The following COL1A2 variants were observed in gnomAD, a reference collection of about 807,000 sequenced individuals.
COL1A2 encodes collagen alpha-2(I) chain.
A neutral mutation model predicts 174.3 loss-of-function variants in COL1A2; 49 were observed. The ratio of observed to expected loss-of-function variants is 0.28; its 90% CI spans 0.22 to 0.36. The LOEUF (loss-of-function observed/expected upper bound fraction) is 0.36. Ranked by LOEUF, COL1A2 falls within the 10% of genes least tolerant of loss-of-function variation. The probability of loss-of-function intolerance (pLI) is 1.00; values close to 1 mark genes in which losing one functional copy is unlikely to be tolerated. For synonymous variants in COL1A2, 655 were observed against 606.6 expected, an observed-to-expected ratio of 1.08 and a Z score of -1.17; for missense variants, 1,438 against 1,822.7, an observed-to-expected ratio of 0.79 and a Z score of 3.84.
Position 94,401,606 on chromosome 7 carries a change from G to C in COL1A2, c.265G>C (p.Gly89Arg), listed in dbSNP as rs1453187814. The change falls in exon 6 of 52, where the codon GGC becomes CGC. Residue 89 changes from glycine (G) to arginine (R), a missense_variant. Gly to Arg is a moderately radical substitution (Grantham distance 125, BLOSUM62 -2). Around this residue, in one of 3 missense-constraint regions of COL1A2, gnomAD observed 281 missense variants for 310.9 expected, o/e 0.90. Transcript: ENST00000297268. ...GTATGATGGAAAAGGAGTTGGACTTGGCCCTGGACCAATGGTATGCTTATC... is the reference window on the plus strand; with the variant it reads ...GTATGATGGAAAAGGAGTTGGACTTCGCCCTGGACCAATGGTATGCTTATC... ...AQYDGKGVGL[G>R]PGPMGLMGPR... is the part of the protein sequence containing the mutation. 2 of 1,578,796 alleles carry C rather than the reference G, an allele frequency of 1.3e-6. No individual in the cohort carries two copies. Among genetic ancestry groups the C allele is most frequent in the Non-Finnish European group, 1.7e-6 (2 of 1,160,856 alleles).
rs42527 is a variant in COL1A2, at chr7:94,418,365, C to T, written c.1972-134C>T. The T allele has an allele frequency of 0.24, 171,781 of 708,154 alleles. 21,468 individuals carry two copies. Among genetic ancestry groups the T allele is most frequent in the East Asian group, 0.26 (9,492 of 36,632 alleles). 43.9% of individuals were successfully genotyped at this position (708,154 alleles called of 1,614,324 possible). A position where few individuals can be genotyped will look rare whatever the true frequency, so the allele number is the denominator to read the frequency against. ...AACATTCTACAGAATGGTAAGGAAT[C>T]GAGACATTGCTAAAAATCTTAAATG... On this transcript the variant is annotated intron_variant, in intron 32 of 51. Transcript: ENST00000297268.
At chr7:94,424,671 T>C in intron 41 of COL1A2, 1 of 546,786 alleles carries the variant, frequency 1.8e-6, no homozygotes, top group African/African-American at 1.9e-5. Flanking sequence ...TTTTTGTTCT[T>C]TCCACGCACT....
intron 19 of COL1A2, 101 bp from the exon 20 acceptor site, chr7:94,410,141 G>A: frequency 8.4e-7 from 1 of 1,190,062 alleles, no homozygotes; most frequent in Non-Finnish European, 1.2e-6. Flanking sequence ...GAGAACTTGA[G>A]CTTCTCTTTA....
intron 38 of COL1A2, 35 bp from the exon 39 acceptor site, chr7:94,421,864 G>A: frequency 6.3e-7 from 1 of 1,597,224 alleles, no homozygotes; most frequent in African/African-American, 1.3e-5. Context: ...TGGAGTTGAT[G>A]TTGACTGTGG....
rs1479084555 is a variant in COL1A2 at position 94,425,772 on chromosome 7, A to G, written c.2858A>G (p.Asn953Ser). 2 of 1,613,340 alleles carry G rather than the reference A, an allele frequency of 1.2e-6. No individual in the cohort carries two copies. The highest frequency in any genetic ancestry group is 1.7e-5 in the Admixed American group (1 of 59,954). ...GHKGERGYPGNIGPVGAAGAP... is the reference protein window; with the variant it reads ...GHKGERGYPGSIGPVGAAGAP... ...TAGGGAGAGCGCGGTTACCCTGGCA[A>G]TATTGGTCCCGTTGGTGCTGCAGGT... Residue 953 changes from asparagine (N) to serine (S), a missense_variant, in exon 44 of 52, where the codon AAT becomes AGT. Physicochemically the swap from Asn to Ser is conservative, Grantham distance 46 (BLOSUM62 1). This residue lies in a region of COL1A2 where 867 missense variants were observed against 1,213.7 expected (regional missense o/e 0.71). Coordinates refer to ENST00000297268, the MANE Select transcript of COL1A2 (RefSeq NM_000089.4).
At chr7:94,405,985 C>T (rs1055579629) in intron 11 of COL1A2, among the ~76,000 whole-genome samples, 25 of 152,026 alleles carry the variant, frequency 1.6e-4, no homozygotes, top group Admixed American at 4.6e-4. Flanking sequence ...TATTTACAAC[C>T]GTCTGAAAAT....
In COL1A2 at chr7:94,399,061, G is replaced by A. The variant is rs2115856187; in HGVS notation, c.109G>A (p.Asp37Asn). 1 of 1,613,738 alleles carries A rather than the reference G, an allele frequency of 6.2e-7. No homozygotes were observed. The highest frequency in any genetic ancestry group is 8.5e-7 in the Non-Finnish European group (1 of 1,179,696). Reference sequence around the variant, plus strand: ...ATCTTTCCTGTAGGGCCCAGCCGGAGATAGAGGACCACGTGGAGAAAGGGT... The same window carrying A: ...ATCTTTCCTGTAGGGCCCAGCCGGAAATAGAGGACCACGTGGAGAAAGGGT... ...EETVRKGPAG[D>N]RGPRGERGPP... Residue 37 changes from aspartate to asparagine, a missense_variant, in exon 4 of 52, where the codon GAT (aspartate) becomes AAT (asparagine). Asp to Asn is a conservative substitution (Grantham distance 23). Coordinates refer to ENST00000297268, the MANE Select transcript of COL1A2 (RefSeq NM_000089.4).
At chr7:94,404,468 G>A (rs1791752463) in intron 6 of COL1A2, 88 bp from the exon 7 acceptor site, 1 of 1,342,204 alleles carries the variant, frequency 7.5e-7, no homozygotes, top group Non-Finnish European at 1.1e-6. Flanking sequence ...CCACAACAAT[G>A]GCACTGCTAA....
chr7:94,409,100 CAG>C (rs1257478895), intron 16 of COL1A2, among the ~76,000 whole-genome samples: 1 of 151,962 alleles, frequency 6.6e-6, no homozygotes, highest in Admixed American at 6.5e-5. Context: ...GAGTCAACCA[CAG>C]AGAGACAGAA....
In COL1A2 at chr7:94,429,188, T is replaced by A; in HGVS notation, c.3712T>A (p.Phe1238Ile). The A allele has an allele frequency of 1.2e-6, 2 of 1,611,826 alleles. No individual in the cohort carries two copies. Among genetic ancestry groups the A allele is most frequent in the Non-Finnish European group, 1.7e-6 (2 of 1,178,502 alleles). ...TGGAATTTCATCCTATTTTCTGTAG[T>A]TTGAATATAATGTAGAAGGAGTGAC... is the stretch of plus-strand genomic sequence containing the variant. The part of the protein sequence containing the change: ...LGETINAGSQ[F>I]EYNVEGVTSK... The change falls in exon 51 of 52, where the codon TTT becomes ATT. Residue 1238 changes from phenylalanine (F) to isoleucine (I), a missense_variant and splice_region_variant. Transcript: ENST00000297268.
At chr7:94,404,431 G>T in intron 6 of COL1A2, 125 bp from the exon 7 acceptor site, 1 of 1,000,882 alleles carries the variant, frequency 1.0e-6, no homozygotes, top group Non-Finnish European at 1.6e-6. Context: ...ATTCTTCCTT[G>T]GGAGGAATAA....
intron 38 of COL1A2, 126 bp from the exon 39 acceptor site, chr7:94,421,771 GCC>G: frequency 7.4e-6 from 5 of 672,426 alleles, no homozygotes; most frequent in Non-Finnish European, 1.3e-5. Flanking sequence ...ATATGAAGCT[GCC>G]TACCTCCTAC....
intron 25 of COL1A2, 103 bp downstream of exon 25, chr7:94,412,785 T>C: frequency 2.0e-6 from 2 of 1,023,756 alleles, no homozygotes; most frequent in African/African-American, 1.6e-5. Context: ...TCAGGGAGTT[T>C]CCTTTCAACA....
At chr7:94,423,232 A>G (rs1042974300) in intron 40 of COL1A2, 114 bp downstream of exon 40, 9 of 1,289,964 alleles carry the variant, frequency 7.0e-6, no homozygotes, top group Non-Finnish European at 1.0e-5. Flanking sequence ...GCTCTCAAGT[A>G]GAGCTCAGTT....
At chr7:94,425,268 T>C (rs1009323549) in intron 42 of COL1A2, 44 bp downstream of exon 42, 6 of 1,554,638 alleles carry the variant, frequency 3.9e-6, no homozygotes, top group Non-Finnish European at 5.3e-6. Flanking sequence ...GAGCAGGATT[T>C]CATTGTGTGA....
intron 13 of COL1A2, 90 bp downstream of exon 13, chr7:94,407,981 T>TAA (rs1432934395): frequency 7.8e-7 from 1 of 1,281,264 alleles, no homozygotes; most frequent in Non-Finnish European, 1.1e-6. Context: ...CACTGTATCC[T>TAA]TCAGCATTGT....
chr7:94,403,240 A>T (rs1325906212), intron 6 of COL1A2, among the ~76,000 whole-genome samples: 1 of 152,196 alleles, frequency 6.6e-6, no homozygotes. Flanking sequence ...TTTACTTTGA[A>T]ATATCAGTGA....
chr7:94,429,087 CT>C, intron 50 of COL1A2, 100 bp from the exon 51 acceptor site: 1 of 968,164 alleles, frequency 1.0e-6, no homozygotes, highest in Non-Finnish European at 1.5e-6. Flanking sequence ...TGAGTCTACT[CT>C]TCCTGAGATC....
Position 94,421,949 on chromosome 7 carries a change from C to T in COL1A2, c.2400C>T (p.Pro800=), listed in dbSNP as rs139913150. The T allele has an allele frequency of 4.5e-5, 72 of 1,613,960 alleles. No individual in the cohort carries two copies. In the Admixed American group the frequency reaches 1.1e-3, roughly 24 times the overall value. ...GAAGRTGPPG[P]SGISGPPGPP... is the part of the protein sequence containing the mutation. The stretch of plus-strand genomic sequence containing the variant: ...CTGGACGGACTGGTCCCCCAGGACC[C>T]TCTGTAAGTAAATCACTGTAAACGT... The change falls in exon 39 of 52, where the codon CCC becomes CCT. Residue 800 remains proline (P), a synonymous_variant. Coordinates refer to ENST00000297268, the MANE Select transcript of COL1A2 (RefSeq NM_000089.4).
Sources: allele counts gnomAD v4.1 joint callset (sites outside exome capture counted in the v4.1 genomes callset), GRCh38; gene constraint gnomAD v4.1.1; regional missense constraint gnomAD v4.1.1; transcripts MANE v1.5; gene names NCBI Gene and HGNC (gene_info 2026-07-23, HGNC 2026-07-21).